The following TMEM74 variants were observed in gnomAD, a reference collection of about 807,000 sequenced individuals.
The protein encoded by TMEM74 is transmembrane protein 74.
In TMEM74, 13 loss-of-function variants were observed where a neutral mutation model predicts 18.1. That is an observed-to-expected ratio of 0.72 (90% CI 0.47 to 1.14). The LOEUF is 1.14. TMEM74 is among the 50% of genes most tolerant of loss of function. The pLI, the probability that TMEM74 is intolerant of heterozygous loss-of-function variation, is 0.00. For synonymous variants in TMEM74, 159 were observed against 146.6 expected, an observed-to-expected ratio of 1.08 and a Z score of -0.61; for missense variants, 372 against 375.9, an observed-to-expected ratio of 0.99 and a Z score of 0.09.
At chr8:108,619,769 T>A (rs1019406243) in intron 2 of TMEM74, among the ~76,000 whole-genome samples, 1 of 152,200 alleles carries the variant, frequency 6.6e-6, no homozygotes, top group African/African-American at 2.4e-5. Context: ...ATTTTGCTGT[T>A]GTTCAAAACG....
At chr8:108,737,702 A>G (rs955647361) in intron 1 of TMEM74, among the ~76,000 whole-genome samples, 1 of 152,200 alleles carries the variant, frequency 6.6e-6, no homozygotes, top group Non-Finnish European at 1.5e-5. Context: ...AATACAGTAC[A>G]GTATAATACA....
chr8:108,668,871 T>A (rs1185908052), intron 1 of TMEM74, among the ~76,000 whole-genome samples: 1 of 152,104 alleles, frequency 6.6e-6, no homozygotes, highest in Non-Finnish European at 1.5e-5. Flanking sequence ...AACTTTGTGT[T>A]TCTGCTTGGT....
intron 2 of TMEM74, among the ~76,000 whole-genome samples, chr8:108,638,620 A>G (rs78937140): frequency 0.018 from 2,787 of 152,054 alleles, 85 homozygotes; most frequent in African/African-American, 0.063. Context: ...AGACACAACT[A>G]TAATTCCATA....
intron 1 of TMEM74, among the ~76,000 whole-genome samples, chr8:108,772,444 T>C (rs906610432): frequency 6.6e-6 from 1 of 152,150 alleles, no homozygotes; most frequent in East Asian, 1.9e-4. Flanking sequence ...CTTATTCTCC[T>C]AGAGTTTTAA....
At chr8:108,612,587 T>G (rs1330502196) in intron 2 of TMEM74, among the ~76,000 whole-genome samples, 1 of 152,226 alleles carries the variant, frequency 6.6e-6, no homozygotes, top group Non-Finnish European at 1.5e-5. Context: ...ATCTAAGAAC[T>G]GGTGGACTCT....
intron 2 of TMEM74, among the ~76,000 whole-genome samples, chr8:108,618,999 AAGG>A (rs2130540888): frequency 6.6e-6 from 1 of 151,686 alleles, no homozygotes; most frequent in South Asian, 2.1e-4. Flanking sequence ...GATCTCTAAG[AAGG>A]AGAATTATTA....
At chr8:108,640,961 A>AG (rs1273705554) in intron 2 of TMEM74, among the ~76,000 whole-genome samples, 1 of 152,212 alleles carries the variant, frequency 6.6e-6, no homozygotes, top group Non-Finnish European at 1.5e-5. Context: ...TAGATGATAT[A>AG]AAGTGATACT....
intron 1 of TMEM74, among the ~76,000 whole-genome samples, chr8:108,665,434 C>G (rs576453226): frequency 6.6e-6 from 1 of 152,062 alleles, no homozygotes; most frequent in Non-Finnish European, 1.5e-5. Flanking sequence ...AGAGGCCCTA[C>G]CCCTTTGCCT....
intron 1 of TMEM74, among the ~76,000 whole-genome samples, chr8:108,786,636 C>A (rs62509435): frequency 6.6e-6 from 1 of 152,074 alleles, no homozygotes; most frequent in East Asian, 1.9e-4. Context: ...AACAACAGGG[C>A]AAAAGAATCA....
chr8:108,643,237 A>G (rs1013994049), intron 2 of TMEM74, among the ~76,000 whole-genome samples: 1 of 152,194 alleles, frequency 6.6e-6, no homozygotes, highest in Non-Finnish European at 1.5e-5. Context: ...TACCCAACTG[A>G]AGAACTTCTG....
At chr8:108,678,174 A>G (rs921159229) in intron 1 of TMEM74, among the ~76,000 whole-genome samples, 1 of 152,204 alleles carries the variant, frequency 6.6e-6, no homozygotes, top group Non-Finnish European at 1.5e-5. Flanking sequence ...ATCTCTTTTC[A>G]TAACTTTTAA....
At position 108,670,594 on chromosome 8, in the gene TMEM74, C is replaced by T. The variant is rs181412449; in HGVS notation, n.120-15157G>A. Among the ~76,000 whole-genome samples the T allele has an allele frequency of 7.2e-5, 11 of 152,228 alleles. No homozygotes were observed. In the East Asian group the frequency reaches 1.3e-3, roughly 19 times the overall value. On this transcript the variant is annotated intron_variant and non_coding_transcript_variant, in intron 1 of 3. Transcript: ENST00000518838. ...TACTTTCTTTACTTGCTTCTCAACT[C>T]CCCACAAGATCTTTAATAAAACTGG...
chr8:108,706,824 C>A (rs529955313), intron 1 of TMEM74, among the ~76,000 whole-genome samples: 2 of 140,910 alleles, frequency 1.4e-5, no homozygotes, highest in Non-Finnish European at 3.1e-5. Context: ...CAAGCACATG[C>A]ATGTAAAATA....
chr8:108,743,217 G>A (rs900402289), intron 1 of TMEM74, among the ~76,000 whole-genome samples: 18 of 152,102 alleles, frequency 1.2e-4, no homozygotes, highest in South Asian at 2.1e-4. Flanking sequence ...TTTACTGTAC[G>A]TAAATAAATT....
At chr8:108,723,451 T>C (rs1027318892) in intron 1 of TMEM74, among the ~76,000 whole-genome samples, 4 of 152,060 alleles carry the variant, frequency 2.6e-5, no homozygotes, top group African/African-American at 9.7e-5. Context: ...TGTGTATGTG[T>C]GTGTGTGTGC....
Position 108,784,344 on chromosome 8 carries a change from A to C in TMEM74, c.755T>G (p.Met252Arg), listed in dbSNP as rs770478409. The change falls in exon 2 of 2, where the codon ATG (methionine) becomes AGG (arginine). Residue 252 changes from methionine to arginine, a missense_variant. Met to Arg is a moderately conservative substitution (Grantham distance 91). Coordinates refer to ENST00000297459, the MANE Select transcript of TMEM74 (RefSeq NM_153015.3). The stretch of plus-strand genomic sequence containing the variant: ...ATAGAGCTCCCCCTTCCACATGGAC[A>C]TCATTAACAAGCAGGACAGGATGAC... ...GGVILSCLLM[M>R]SMWKGELYRR... is the part of the protein sequence containing the mutation. 6.2e-7 allele frequency: 1 copy of C among 1,614,086 alleles called. No individual in the cohort carries two copies. Among genetic ancestry groups the C allele is most frequent in the Non-Finnish European group, 8.5e-7 (1 of 1,180,034 alleles).
intron 1 of TMEM74, among the ~76,000 whole-genome samples, chr8:108,685,234 G>A (rs1813156131): frequency 6.6e-6 from 1 of 151,746 alleles, no homozygotes; most frequent in African/African-American, 2.4e-5. Context: ...TTCTTTTTCA[G>A]TTACTTTATT....
rs891982890 is a variant in TMEM74 at position 108,781,484 on chromosome 8, G to A, written c.*2697C>T. Among the ~76,000 whole-genome samples the A allele has an allele frequency of 4.6e-5, 7 of 151,966 alleles. No homozygotes were observed. Among genetic ancestry groups the A allele is most frequent in the African/African-American group, 1.5e-4 (6 of 41,352 alleles). On this transcript the variant is annotated 3_prime_UTR_variant, in exon 2 of 2. Transcript: ENST00000297459. ...ATTGAATTCAGGCAGGATGGATAAG[G>A]GCTACATAAACCAAATACCCAGGGA...
rs1814410349 is a variant in TMEM74, at chr8:108,787,523, G to T, written c.-87C>A. On this transcript the variant is annotated 5_prime_UTR_variant, in exon 1 of 2. Coordinates refer to ENST00000297459, the MANE Select transcript of TMEM74 (RefSeq NM_153015.3). Reference sequence around the variant, plus strand: ...CGGCTCCAGCACCGCGCGCTCTCCCGGCACGGTTCCCGGAGAAAGTCCCCC... The same window carrying T: ...CGGCTCCAGCACCGCGCGCTCTCCCTGCACGGTTCCCGGAGAAAGTCCCCC... 6.6e-6 allele frequency: 1 copy of T among 152,376 alleles called. No homozygotes were observed. The highest frequency in any genetic ancestry group is 1.5e-5 in the Non-Finnish European group (1 of 68,220). 9.4% of individuals were successfully genotyped at this position (152,376 alleles called of 1,614,324 possible). A position where few individuals can be genotyped will look rare whatever the true frequency, so the allele number is the denominator to read the frequency against.
Sources: allele counts gnomAD v4.1 joint callset (sites outside exome capture counted in the v4.1 genomes callset), GRCh38; gene constraint gnomAD v4.1.1; transcripts MANE v1.5; gene names NCBI Gene and HGNC (gene_info 2026-07-23, HGNC 2026-07-21).